Variants in IL2RB observed in about 807,000 individuals in gnomAD.
IL2RB encodes the protein interleukin-2 receptor subunit beta.
IL2RB carries 17 observed loss-of-function variants against 44.2 expected under a neutral mutation model. That is an observed-to-expected ratio of 0.38 (90% CI 0.26 to 0.58). The LOEUF is 0.58. IL2RB is among the 20% of genes least tolerant of loss of function. The probability of loss-of-function intolerance (pLI) is 0.63; values close to 1 mark genes in which losing one functional copy is unlikely to be tolerated. For synonymous variants in IL2RB, 286 were observed against 297.9 expected (o/e 0.96, Z 0.41); for missense variants, 624 against 685.5 (o/e 0.91, Z 1.00).
chr22:37,157,725 A>G (rs1922728509), intron 1 of IL2RB, among the ~76,000 whole-genome samples: 1 of 152,158 alleles, frequency 6.6e-6, no homozygotes, highest in African/African-American at 2.4e-5. Context: ...GCCAGTTACC[A>G]TATCTCATGT....
chr22:37,142,134 T>C (rs1921997623), intron 4 of IL2RB, among the ~76,000 whole-genome samples: 1 of 152,112 alleles, frequency 6.6e-6, no homozygotes, highest in African/African-American at 2.4e-5. Context: ...CTGTCTTACT[T>C]GATAAGGAAC....
intron 1 of IL2RB, among the ~76,000 whole-genome samples, chr22:37,167,249 C>T (rs1923114835): frequency 6.6e-6 from 1 of 152,100 alleles, no homozygotes; most frequent in Non-Finnish European, 1.5e-5. Context: ...CCCTGGGTGA[C>T]AGCACCCCTG....
chr22:37,158,804 C>A (rs1922764696), intron 1 of IL2RB, among the ~76,000 whole-genome samples: 1 of 152,216 alleles, frequency 6.6e-6, no homozygotes, highest in Non-Finnish European at 1.5e-5. Context: ...CTGGACACTG[C>A]TAGCAGCCAA....
chr22:37,130,900 C>T (rs148624791), intron 9 of IL2RB, among the ~76,000 whole-genome samples: 2 of 152,166 alleles, frequency 1.3e-5, no homozygotes, highest in Non-Finnish European at 2.9e-5. Flanking sequence ...GGCACGGTGG[C>T]GCACGCCTGT....
chr22:37,171,428 A>G (rs1286464719), intron 1 of IL2RB, among the ~76,000 whole-genome samples: 1 of 152,226 alleles, frequency 6.6e-6, no homozygotes, highest in Non-Finnish European at 1.5e-5. Flanking sequence ...GGTGAGAAAC[A>G]GACAATAAAC....
At chr22:37,160,639 C>T (rs913125225) in intron 1 of IL2RB, among the ~76,000 whole-genome samples, 5 of 148,342 alleles carry the variant, frequency 3.4e-5, no homozygotes, top group Non-Finnish European at 7.4e-5. Context: ...CTCAGGAATT[C>T]GAGACCAGCC....
Position 37,139,400 on chromosome 22 carries a change from C to A in IL2RB, c.283-178G>T, listed in dbSNP as rs1423939092. ...AGTAACTATTTTTGGCTTTATGGGGCCACATGGTCTCTGTCACGATGACTC... is the reference window on the plus strand; with the variant it reads ...AGTAACTATTTTTGGCTTTATGGGGACACATGGTCTCTGTCACGATGACTC... On this transcript the variant is annotated intron_variant, in intron 4 of 9. Coordinates refer to ENST00000216223, the MANE Select transcript of IL2RB (RefSeq NM_000878.5). Among the ~76,000 whole-genome samples, 4 of 152,270 alleles carry A rather than the reference C, an allele frequency of 2.6e-5. No individual in the cohort carries two copies. The East Asian group carries it at 7.7e-4, about 29-fold the overall frequency.
At chr22:37,135,089 G>A (rs1921617258) in intron 8 of IL2RB, among the ~76,000 whole-genome samples, 1 of 152,168 alleles carries the variant, frequency 6.6e-6, no homozygotes, top group South Asian at 2.1e-4. Flanking sequence ...CCCCTGTGGG[G>A]ATGCGACACA....
At chr22:37,164,712 C>G (rs1178124792) in intron 1 of IL2RB, among the ~76,000 whole-genome samples, 1 of 152,048 alleles carries the variant, frequency 6.6e-6, no homozygotes, top group Non-Finnish European at 1.5e-5. Context: ...TCAGAGACAC[C>G]AGAGGCTCCA....
intron 1 of IL2RB, among the ~76,000 whole-genome samples, chr22:37,162,841 C>A (rs1039679309): frequency 1.6e-4 from 24 of 152,132 alleles, no homozygotes; most frequent in Admixed American, 1.4e-3. Context: ...CCCCTGCCTG[C>A]CTAGTTCTAT....
intron 2 of IL2RB, among the ~76,000 whole-genome samples, 200 bp downstream of exon 2, chr22:37,143,885 G>A (rs796617195): frequency 8.0e-5 from 5 of 62,436 alleles, no homozygotes; most frequent in Admixed American, 1.7e-4. Flanking sequence ...TTGGAGAGGC[G>A]TGTGTGTGTG....
At chr22:37,169,169 A>G (rs1234108689) in intron 1 of IL2RB, among the ~76,000 whole-genome samples, 2 of 140,522 alleles carry the variant, frequency 1.4e-5, no homozygotes, top group East Asian at 4.3e-4. Context: ...GTTCTTGCTT[A>G]CAGAGAGGGG....
intron 1 of IL2RB, 123 bp downstream of exon 1, chr22:37,149,702 G>T: frequency 3.3e-6 from 1 of 304,774 alleles, no homozygotes; most frequent in Non-Finnish European, 4.8e-6. Flanking sequence ...AAAGTTGGGG[G>T]ATGGGAGTTC....
At chr22:37,137,320 G>C (rs1289974359) in intron 6 of IL2RB, among the ~76,000 whole-genome samples, 1 of 152,250 alleles carries the variant, frequency 6.6e-6, no homozygotes, top group Non-Finnish European at 1.5e-5. Context: ...CCATGGGGCT[G>C]GGCAGCTGCC....
intron 1 of IL2RB, among the ~76,000 whole-genome samples, chr22:37,156,626 A>G (rs1922688370): frequency 6.6e-6 from 1 of 152,240 alleles, no homozygotes; most frequent in African/African-American, 2.4e-5. Flanking sequence ...CTGCCTGTTA[A>G]GGACCCTTCC....
At position 37,135,456 on chromosome 22, in the gene IL2RB, G is replaced by A. The variant is rs2146233740; in HGVS notation, c.704-14C>T. 1.3e-6 allele frequency: 2 copies of A among 1,550,226 alleles called. No homozygotes were observed. Among genetic ancestry groups the A allele is most frequent in the Non-Finnish European group, 8.9e-7 (1 of 1,122,050 alleles). ...CCTTCCCAAGGGCTGCCCAGGGGTG[G>A]GAGAAACAGCAAGGAGAGGGGTTAG... On this transcript the variant is annotated splice_polypyrimidine_tract_variant and intron_variant, in intron 7 of 9. Coordinates refer to ENST00000216223, the MANE Select transcript of IL2RB (RefSeq NM_000878.5).
At chr22:37,147,658 G>C (rs1298528592) in intron 1 of IL2RB, among the ~76,000 whole-genome samples, 1 of 152,248 alleles carries the variant, frequency 6.6e-6, no homozygotes. Flanking sequence ...CACCCTGCCA[G>C]ACACTGGTCC....
In IL2RB at chr22:37,144,213, G is replaced by A. The variant is rs1922120093; in HGVS notation, c.-33-8C>T. 2 of 1,541,648 alleles carry A rather than the reference G, an allele frequency of 1.3e-6. No homozygotes were observed. The highest frequency in any genetic ancestry group is 2.4e-5 in the East Asian group (1 of 40,878). On this transcript the variant is annotated splice_region_variant and splice_polypyrimidine_tract_variant and intron_variant, in intron 1 of 9. Coordinates refer to ENST00000216223, the MANE Select transcript of IL2RB (RefSeq NM_000878.5). ...GAGCCGAGGAAGGAAGCCCTGGTGG[G>A]AGAGGAGAAAGAGAGAGCACACGTA... is the stretch of plus-strand genomic sequence containing the variant.
At position 37,128,963 on chromosome 22, in the gene IL2RB, G is replaced by A; in HGVS notation, c.904-115C>T. 8.0e-7 allele frequency: 1 copy of A among 1,251,978 alleles called. No homozygotes were observed. The highest frequency in any genetic ancestry group is 2.8e-5 in the Admixed American group (1 of 35,988). The allele number at this position is 1,251,978 out of a possible 1,614,324, so 77.6% of individuals were successfully genotyped here. A position where few individuals can be genotyped will look rare whatever the true frequency, so the allele number is the denominator to read the frequency against. On this transcript the variant is annotated intron_variant, in intron 9 of 9. Coordinates refer to ENST00000216223, the MANE Select transcript of IL2RB (RefSeq NM_000878.5). This position sits in a 1 kb window ranked among gnomAD's most constrained non-coding sequence, Gnocchi z 4.5. ...CTCCTCCTGAAGCAGTTGGCCCAGG[G>A]CTGCCCCATCCAGGAAGCTCTCCCT...
Sources: allele counts gnomAD v4.1 joint callset (sites outside exome capture counted in the v4.1 genomes callset), GRCh38; gene constraint gnomAD v4.1.1; non-coding constraint Gnocchi (gnomAD v3.1); transcripts MANE v1.5; gene names NCBI Gene and HGNC (gene_info 2026-07-23, HGNC 2026-07-21).